The following CSNK1A1 variants were observed in gnomAD, a reference collection of about 807,000 sequenced individuals.
The protein encoded by CSNK1A1 is casein kinase 1 alpha 1.
In CSNK1A1, 7 loss-of-function variants were observed where a neutral mutation model predicts 46.1. The observed-to-expected ratio is 0.15, with a 90% CI of 0.09 to 0.29. The LOEUF (loss-of-function observed/expected upper bound fraction) is 0.29. CSNK1A1 is among the 10% of genes least tolerant of loss of function. The pLI is 1.00. For synonymous variants in CSNK1A1, 137 were observed against 141.5 expected (o/e 0.97, Z 0.23); for missense variants, 96 against 417.1 (o/e 0.23, Z 6.71).
intron 2 of CSNK1A1, among the ~76,000 whole-genome samples, chr5:149,540,759 G>A (rs1221958903): frequency 6.6e-6 from 1 of 152,170 alleles, no homozygotes; most frequent in Non-Finnish European, 1.5e-5. Context: ...CAACAGAGAT[G>A]TAGGTTACAC....
chr5:149,516,282 A>G (rs1761400447), intron 4 of CSNK1A1, among the ~76,000 whole-genome samples: 2 of 151,812 alleles, frequency 1.3e-5, no homozygotes, highest in African/African-American at 4.8e-5. Flanking sequence ...GCACCACTGC[A>G]CTCTACACTC....
At chr5:149,499,805 C>T (rs1044407557) in intron 9 of CSNK1A1, among the ~76,000 whole-genome samples, 1 of 151,996 alleles carries the variant, frequency 6.6e-6, no homozygotes, top group Non-Finnish European at 1.5e-5. Context: ...GGGATATTTA[C>T]GTAGCAGTAA....
intron 6 of CSNK1A1, among the ~76,000 whole-genome samples, chr5:149,510,248 TTTTC>T (rs1008402991): frequency 4.6e-5 from 7 of 151,100 alleles, no homozygotes; most frequent in Non-Finnish European, 7.4e-5. Context: ...TTGAAAAGCA[TTTTC>T]TTTCTTTCTA....
intron 3 of CSNK1A1, among the ~76,000 whole-genome samples, chr5:149,523,243 T>C (rs1011567357): frequency 3.9e-5 from 6 of 152,168 alleles, no homozygotes; most frequent in African/African-American, 1.4e-4. Context: ...TTTCACTATG[T>C]TGGCCAGGCT....
rs143164832 is a variant in CSNK1A1, at chr5:149,530,153, C to A, written c.231-4982G>T. ...GACTATTAACTTAATTAGGGGCAATCATTATATTTGTCTTGTTCACAATCT... is the reference window on the plus strand; with the variant it reads ...GACTATTAACTTAATTAGGGGCAATAATTATATTTGTCTTGTTCACAATCT... On this transcript the variant is annotated intron_variant, in intron 2 of 9. Transcript: ENST00000377843. Among the ~76,000 whole-genome samples, 414 of 152,150 alleles carry A rather than the reference C, an allele frequency of 2.7e-3. 3 individuals are homozygous for A. Among genetic ancestry groups the A allele is most frequent in the African/African-American group, 9.4e-3 (389 of 41,512 alleles).
chr5:149,538,910 G>A (rs373854492), intron 2 of CSNK1A1, among the ~76,000 whole-genome samples: 120 of 139,874 alleles, frequency 8.6e-4, no homozygotes, highest in African/African-American at 3.0e-3. Flanking sequence ...CAACAAGAGC[G>A]AAACTCCGTC....
At chr5:149,521,186 T>C (rs1761555250) in intron 3 of CSNK1A1, among the ~76,000 whole-genome samples, 1 of 152,064 alleles carries the variant, frequency 6.6e-6, no homozygotes, top group Non-Finnish European at 1.5e-5. Flanking sequence ...GGGGAGTTGC[T>C]GAGTTGAAGG....
chr5:149,547,378 G>T (rs1762515510), intron 2 of CSNK1A1, among the ~76,000 whole-genome samples: 1 of 152,138 alleles, frequency 6.6e-6, no homozygotes, highest in Admixed American at 6.5e-5. Flanking sequence ...TCTGTATCAG[G>T]TCTTAAATAA....
intron 2 of CSNK1A1, among the ~76,000 whole-genome samples, chr5:149,544,737 T>TTATATATATAGATATATA (rs1762410619): frequency 1.2e-5 from 1 of 80,804 alleles, no homozygotes; most frequent in Non-Finnish European, 2.2e-5. Flanking sequence ...GTAAAGAGCT[T>TTATATATATAGATATATA]TATATATATA....
At chr5:149,520,596 T>C (rs1761537459) in intron 3 of CSNK1A1, among the ~76,000 whole-genome samples, 1 of 152,228 alleles carries the variant, frequency 6.6e-6, no homozygotes, top group Admixed American at 6.5e-5. Flanking sequence ...CTTTACCTTC[T>C]AGTATTAATA....
chr5:149,493,277 G>C lies in CSNK1A1; in HGVS notation c.*3576C>G, dbSNP rs1760571190. On this transcript the variant is annotated 3_prime_UTR_variant, in exon 10 of 10. Coordinates refer to ENST00000377843, the MANE Select transcript of CSNK1A1 (RefSeq NM_001892.6). ...GTAGAGACAGGGTTTCACTATGTTG[G>C]CCAGGCTGGTCTTGAACTCCTGCCC... 1.3e-5 allele frequency: 2 copies of C among 151,688 alleles called. No homozygotes were observed. The allele number at this position is 151,688 out of a possible 1,614,324, so 9.4% of individuals were successfully genotyped here. A position where few individuals can be genotyped will look rare whatever the true frequency, so the allele number is the denominator to read the frequency against.
chr5:149,501,716 G>A, intron 9 of CSNK1A1: 1 of 985,336 alleles, frequency 1.0e-6, no homozygotes, highest in Non-Finnish European at 1.2e-6. Flanking sequence ...ACTACCTTCT[G>A]AAATTCTCCC....
chr5:149,530,364 T>G (rs753645983), intron 2 of CSNK1A1, among the ~76,000 whole-genome samples: 2 of 152,192 alleles, frequency 1.3e-5, no homozygotes, highest in Non-Finnish European at 2.9e-5. Context: ...TATCCCTAGT[T>G]CAAATAAGCC....
chr5:149,530,802 C>T (rs1761870165), intron 2 of CSNK1A1, among the ~76,000 whole-genome samples: 1 of 151,774 alleles, frequency 6.6e-6, no homozygotes, highest in African/African-American at 2.4e-5. Flanking sequence ...CCCGTCTCTA[C>T]TAAAAATACA....
At chr5:149,513,534 G>A (rs1357094389) in intron 4 of CSNK1A1, among the ~76,000 whole-genome samples, 1 of 152,186 alleles carries the variant, frequency 6.6e-6, no homozygotes, top group Non-Finnish European at 1.5e-5. Context: ...CAACAAGTGT[G>A]CTATCTGTCA....
Position 149,542,628 on chromosome 5 carries a change from A to ACATGTATGTG in CSNK1A1, c.230+7446_230+7447insCACATACATG, listed in dbSNP as rs1561772375. Reference sequence around the variant, plus strand: ...TATATATATATATATATATATATATATATATATATATGTATATATATATAT... The same window carrying ACATGTATGTG: ...TATATATATATATATATATATATATACATGTATGTGTATATATATATGTATATATATATAT... On this transcript the variant is annotated intron_variant, in intron 2 of 9. Coordinates refer to ENST00000377843, the MANE Select transcript of CSNK1A1 (RefSeq NM_001892.6). Among the ~76,000 whole-genome samples, 49 of 12,124 alleles carry ACATGTATGTG rather than the reference A, an allele frequency of 4.0e-3. 6 individuals carry two copies. Among genetic ancestry groups the ACATGTATGTG allele is most frequent in the African/African-American group, 0.026 (46 of 1,762 alleles). 8.0% of individuals were successfully genotyped at this position (12,124 alleles called of 152,430 possible).
intron 3 of CSNK1A1, among the ~76,000 whole-genome samples, chr5:149,523,385 A>G (rs557000263): frequency 6.6e-6 from 1 of 152,200 alleles, no homozygotes; most frequent in African/African-American, 2.4e-5. Flanking sequence ...TCTTTGCTCT[A>G]TTGCTCAGGC....
At chr5:149,506,778 A>G (rs1761046095) in intron 8 of CSNK1A1, among the ~76,000 whole-genome samples, 1 of 152,222 alleles carries the variant, frequency 6.6e-6, no homozygotes, top group Admixed American at 6.5e-5. Context: ...ATGAATTATA[A>G]CTATTCTGGA....
intron 9 of CSNK1A1, chr5:149,498,579 GATTAAACAGAA>G: frequency 1.0e-6 from 1 of 983,912 alleles, no homozygotes; most frequent in Non-Finnish European, 1.2e-6. Context: ...AGAAACTAAG[GATTAAACAGAA>G]ATTAAACAGA....
Sources: gnomAD v4.1 joint callset for allele counts (sites outside exome capture counted in the v4.1 genomes callset) on GRCh38, gnomAD v4.1.1 for gene constraint, MANE v1.5 for transcripts, NCBI Gene and HGNC (gene_info 2026-07-23, HGNC 2026-07-21) for gene names.